The following ADCY5 variants were observed in gnomAD, a reference collection of about 807,000 sequenced individuals.
The protein encoded by ADCY5 is adenylate cyclase type 5.
Under a neutral mutation model 119.7 loss-of-function variants are expected in ADCY5, and 30 were observed. The ratio of observed to expected loss-of-function variants is 0.25; its 90% CI spans 0.19 to 0.34. The LOEUF (loss-of-function observed/expected upper bound fraction) is 0.34. ADCY5 is among the 10% of genes least tolerant of loss of function. The probability of loss-of-function intolerance (pLI) is 1.00; values close to 1 mark genes in which losing one functional copy is unlikely to be tolerated. For synonymous variants in ADCY5, 753 were observed against 762.2 expected, an observed-to-expected ratio of 0.99 and a Z score of 0.20; for missense variants, 1,324 against 1,775.2, an observed-to-expected ratio of 0.75 and a Z score of 4.57.
At chr3:123,332,497 C>T (rs1044911849) in intron 4 of ADCY5, 67 bp downstream of exon 4, 82 of 1,241,640 alleles carry the variant, frequency 6.6e-5, no homozygotes, top group Non-Finnish European at 8.8e-5. Flanking sequence ...AGCAGGTCCT[C>T]GACCACAGCA....
chr3:123,376,864 T>C (rs537270086), intron 1 of ADCY5, among the ~76,000 whole-genome samples: 3 of 152,344 alleles, frequency 2.0e-5, no homozygotes, highest in East Asian at 3.9e-4. Context: ...AGTTCCTTTC[T>C]CCACTAGCAT....
rs183440445 is a variant in ADCY5, at chr3:123,308,190, C to T, written c.2443-4007G>A. Among the ~76,000 whole-genome samples the T allele has an allele frequency of 1.1e-3, 163 of 151,814 alleles. 1 individual carries two copies. Among genetic ancestry groups the T allele is most frequent in the African/African-American group, 3.7e-3 (155 of 41,436 alleles). On this transcript the variant is annotated intron_variant, in intron 12 of 20. Transcript: ENST00000462833. ...CTGGGACTACAGGCGCCCACCACCA[C>T]GCCCGGCTAATTTTGTTTTTGTATT... is the stretch of plus-strand genomic sequence containing the variant.
chr3:123,380,572 C>A (rs555599769), intron 1 of ADCY5, among the ~76,000 whole-genome samples: 2 of 152,332 alleles, frequency 1.3e-5, no homozygotes, highest in East Asian at 3.9e-4. Flanking sequence ...AAAGCCAGAG[C>A]CTAGGCCACC....
chr3:123,285,270 G>A (rs946164808), intron 20 of ADCY5, among the ~76,000 whole-genome samples: 3 of 152,226 alleles, frequency 2.0e-5, no homozygotes, highest in Admixed American at 6.5e-5. Context: ...CTCAGGCTCA[G>A]AGCATCTAAG....
intron 17 of ADCY5, among the ~76,000 whole-genome samples, chr3:123,292,636 C>T (rs143116434): frequency 7.4e-4 from 113 of 152,280 alleles, no homozygotes; most frequent in Middle Eastern, 3.4e-3. Context: ...GGAGGCAGTA[C>T]CCTTTACCCA....
At chr3:123,439,263 C>T (rs1433609009) in intron 1 of ADCY5, among the ~76,000 whole-genome samples, 13 of 151,422 alleles carry the variant, frequency 8.6e-5, no homozygotes, top group Non-Finnish European at 1.0e-4. Context: ...GGGGTTTCAC[C>T]GTGTTAGCCA....
At chr3:123,440,100 G>A (rs898915355) in intron 1 of ADCY5, among the ~76,000 whole-genome samples, 3 of 152,192 alleles carry the variant, frequency 2.0e-5, no homozygotes, top group African/African-American at 7.2e-5. Flanking sequence ...GCGTGCAGAC[G>A]TCCACCCACC....
chr3:123,352,681 G>A lies in ADCY5; in HGVS notation c.1135-100C>T, dbSNP rs778202754. 4.0e-4 allele frequency: 553 copies of A among 1,379,294 alleles called. 1 individual carries two copies. The highest frequency in any genetic ancestry group is 1.1e-3 in the Middle Eastern group (6 of 5,362). 85.4% of individuals were successfully genotyped at this position (1,379,294 alleles called of 1,614,324 possible). The stretch of plus-strand genomic sequence containing the variant: ...CTGTCTCAGCAAACTCACACCTGGC[G>A]CTAGCAAACAAATGCTGAGGGCACC... On this transcript the variant is annotated intron_variant, in intron 1 of 20. Transcript: ENST00000462833. This position sits in a 1 kb window ranked among gnomAD's most constrained non-coding sequence, Gnocchi z 4.8.
chr3:123,302,172 G>A (rs1939889244), intron 14 of ADCY5, among the ~76,000 whole-genome samples: 1 of 152,250 alleles, frequency 6.6e-6, no homozygotes, highest in South Asian at 2.1e-4. Flanking sequence ...GCACCCATAG[G>A]GAGCTGGGGG....
chr3:123,315,199 G>A (rs891118357), intron 11 of ADCY5, among the ~76,000 whole-genome samples: 2 of 152,240 alleles, frequency 1.3e-5, no homozygotes, highest in Non-Finnish European at 2.9e-5. Context: ...TTAAAAGCCC[G>A]TGGGGGGCGT....
intron 1 of ADCY5, among the ~76,000 whole-genome samples, chr3:123,442,206 T>C (rs997366894): frequency 3.3e-5 from 5 of 152,052 alleles, no homozygotes; most frequent in African/African-American, 1.2e-4. Flanking sequence ...GCTACACTCC[T>C]GGGAAACACA....
intron 1 of ADCY5, among the ~76,000 whole-genome samples, chr3:123,365,151 T>G (rs2107515226): frequency 6.6e-6 from 1 of 152,240 alleles, no homozygotes; most frequent in South Asian, 2.1e-4. Flanking sequence ...AGAGATAGGG[T>G]TTCACCATGC....
chr3:123,435,851 TTTATTATTATTATTATTA>T lies in ADCY5; in HGVS notation c.1134+11543_1134+11560del, dbSNP rs34160272. Among the ~76,000 whole-genome samples, 145 of 125,884 alleles carry T rather than the reference TTTATTATTATTATTATTA, an allele frequency of 1.2e-3. 1 individual carries two copies. Among genetic ancestry groups the T allele is most frequent in the African/African-American group, 3.9e-3 (132 of 33,458 alleles). 82.6% of individuals were successfully genotyped at this position (125,884 alleles called of 152,430 possible). A position where few individuals can be genotyped will look rare whatever the true frequency, so the allele number is the denominator to read the frequency against. On this transcript the variant is annotated intron_variant, in intron 1 of 20. Transcript: ENST00000462833. ...GCCTGGGCAACCTGGCAAGAGCCCT[TTTATTATTATTATTATTA>T]TTATTATTATTATTATTATTATTAT...
chr3:123,313,014 A>AGGAGGGG (rs1559797317), intron 12 of ADCY5, among the ~76,000 whole-genome samples: 2 of 152,048 alleles, frequency 1.3e-5, no homozygotes, highest in African/African-American at 4.8e-5. Context: ...CAGGCAGGGA[A>AGGAGGGG]CCAGCTAACG....
rs181276220 is a variant in ADCY5, at chr3:123,447,354, G to A, written c.1134+58C>T. 4.0e-5 allele frequency: 58 copies of A among 1,435,650 alleles called. No individual in the cohort carries two copies. The East Asian group carries it at 1.3e-3, about 33-fold the overall frequency. The allele number at this position is 1,435,650 out of a possible 1,614,324, so 88.9% of individuals were successfully genotyped here. A position where few individuals can be genotyped will look rare whatever the true frequency, so the allele number is the denominator to read the frequency against. ...TGAGGGTGGGATCCCTTTCTTTGGA[G>A]TCCAGCTGAGGCCTGCCCGCCCCGC... On this transcript the variant is annotated intron_variant, in intron 1 of 20. Coordinates refer to ENST00000462833, the MANE Select transcript of ADCY5 (RefSeq NM_183357.3).
At chr3:123,290,476 CCGCT>C (rs1939076441) in intron 18 of ADCY5, among the ~76,000 whole-genome samples, 1 of 152,240 alleles carries the variant, frequency 6.6e-6, no homozygotes, top group African/African-American at 2.4e-5. Flanking sequence ...CCCGGCGTGC[CCGCT>C]GGGGTGGCCC....
chr3:123,424,999 T>C (rs1370115949), intron 1 of ADCY5, among the ~76,000 whole-genome samples: 1 of 152,200 alleles, frequency 6.6e-6, no homozygotes, highest in Non-Finnish European at 1.5e-5. Flanking sequence ...TCAGGGTCTG[T>C]TGTGACTTCT....
chr3:123,416,621 G>C (rs115504473), intron 1 of ADCY5, among the ~76,000 whole-genome samples: 3 of 152,072 alleles, frequency 2.0e-5, no homozygotes, highest in African/African-American at 7.2e-5. Flanking sequence ...TCACAAACTC[G>C]CTCTGCCACG....
chr3:123,348,731 C>A (rs942569461), intron 2 of ADCY5, among the ~76,000 whole-genome samples: 7 of 152,146 alleles, frequency 4.6e-5, no homozygotes, highest in Non-Finnish European at 8.8e-5. Context: ...GGACTATGCT[C>A]TCTTTCTGAG....
Sources: gnomAD v4.1 joint callset for allele counts (sites outside exome capture counted in the v4.1 genomes callset) on GRCh38, gnomAD v4.1.1 for gene constraint, Gnocchi (gnomAD v3.1) non-coding constraint, MANE v1.5 for transcripts, NCBI Gene and HGNC (gene_info 2026-07-23, HGNC 2026-07-21) for gene names.